CDH2: variants seen among roughly 807,000 people sequenced by gnomAD.
The protein encoded by CDH2 is cadherin-2.
In CDH2, 17 loss-of-function variants were observed where a neutral mutation model predicts 92.0. The ratio of observed to expected loss-of-function variants is 0.18; its 90% CI spans 0.13 to 0.28. The LOEUF (loss-of-function observed/expected upper bound fraction) is 0.28, where lower values mean the gene tolerates loss of function less well. Among genes scored for constraint, CDH2 ranks in the 10% least tolerant of loss-of-function variants. The pLI, the probability that CDH2 is intolerant of heterozygous loss-of-function variation, is 1.00. For missense variants in CDH2, 862 were observed against 1,133.1 expected (o/e 0.76, Z 3.44); for synonymous variants, 419 against 415.9 (o/e 1.01, Z -0.09).
At chr18:28,097,819 G>A (rs973152577) in intron 2 of CDH2, among the ~76,000 whole-genome samples, 5 of 151,982 alleles carry the variant, frequency 3.3e-5, no homozygotes, top group African/African-American at 1.2e-4. Context: ...TACTATAAAT[G>A]GCCATTGAAA....
chr18:27,947,970 A>G (rs1909318695), downstream of CDH2, among the ~76,000 whole-genome samples: 1 of 149,078 alleles, frequency 6.7e-6, no homozygotes, highest in African/African-American at 2.4e-5. Context: ...TGCATTCCAC[A>G]TGGTTGGGTT....
chr18:28,062,356 A>C (rs2144148404), intron 2 of CDH2, among the ~76,000 whole-genome samples: 1 of 152,334 alleles, frequency 6.6e-6, no homozygotes, highest in African/African-American at 2.4e-5. Flanking sequence ...CAGAAAACAT[A>C]TAACTTCTTC....
In CDH2 at chr18:28,038,449, G is replaced by A. The variant is rs1427569321; in HGVS notation, c.173-24540C>T. On this transcript the variant is annotated intron_variant, in intron 2 of 15. Coordinates refer to ENST00000269141, the MANE Select transcript of CDH2 (RefSeq NM_001792.5). ...TGTGTGTGTGTGTGTGTGTGTGTGT[G>A]TGTGTGTGTGTGTCTATGTGTGTGT... 4.0e-5 allele frequency among the ~76,000 whole-genome samples: 6 copies of A among 151,468 alleles called. No individual in the cohort carries two copies. In the South Asian group the frequency reaches 6.3e-4, roughly 16 times the overall value.
chr18:28,007,498 T>G (rs2012973602), intron 5 of CDH2, among the ~76,000 whole-genome samples: 1 of 152,076 alleles, frequency 6.6e-6, no homozygotes, highest in Non-Finnish European at 1.5e-5. Flanking sequence ...ATATCCTTTT[T>G]TAAATTCAGA....
At position 28,177,056 on chromosome 18, in the gene CDH2, G is replaced by T; in HGVS notation, c.-34C>A. The stretch of plus-strand genomic sequence containing the variant: ...AGAGGGGCCGAGCGAAGAGCCGGAG[G>T]AGGCGGCGGCGGCGGCGGCGGCGGC... On this transcript the variant is annotated 5_prime_UTR_variant, in exon 1 of 16. Transcript: ENST00000269141. 4.1e-6 allele frequency: 6 copies of T among 1,463,104 alleles called. No individual in the cohort carries two copies. The South Asian group carries it at 6.4e-5, about 15-fold the overall frequency. 90.6% of individuals were successfully genotyped at this position (1,463,104 alleles called of 1,614,324 possible).
At chr18:28,048,380 G>A (rs1168811289) in intron 2 of CDH2, among the ~76,000 whole-genome samples, 1 of 152,154 alleles carries the variant, frequency 6.6e-6, no homozygotes, top group Non-Finnish European at 1.5e-5. Flanking sequence ...TCAACTATCT[G>A]CTTTTCATTT....
intron 2 of CDH2, among the ~76,000 whole-genome samples, chr18:28,135,425 A>G (rs2015845661): frequency 6.6e-6 from 1 of 152,198 alleles, no homozygotes; most frequent in Non-Finnish European, 1.5e-5. Flanking sequence ...CCCTTAGGAC[A>G]TTTAAATATA....
chr18:28,135,415 C>A (rs1478837258), intron 2 of CDH2, among the ~76,000 whole-genome samples: 2 of 152,030 alleles, frequency 1.3e-5, no homozygotes, highest in Admixed American at 6.6e-5. Flanking sequence ...ATGGGTTAAA[C>A]CCTTAGGACA....
chr18:27,980,992 C>T (rs955738817), intron 14 of CDH2, among the ~76,000 whole-genome samples: 3 of 151,988 alleles, frequency 2.0e-5, no homozygotes, highest in African/African-American at 7.3e-5. Context: ...TATAACAATA[C>T]GGCCATATTA....
intron 11 of CDH2, among the ~76,000 whole-genome samples, chr18:27,987,122 C>G (rs2012260039): frequency 6.6e-6 from 1 of 152,166 alleles, no homozygotes; most frequent in African/African-American, 2.4e-5. Flanking sequence ...AATGAGAAAT[C>G]TGGTTGTAAC....
At chr18:28,132,257 G>A (rs2015784496) in intron 2 of CDH2, among the ~76,000 whole-genome samples, 1 of 152,146 alleles carries the variant, frequency 6.6e-6, no homozygotes, top group Non-Finnish European at 1.5e-5. Context: ...CTCATCTCAC[G>A]CTGCCTTACA....
chr18:27,939,330 C>G (rs1227826146), intron 6 of CDH2, among the ~76,000 whole-genome samples: 3 of 152,126 alleles, frequency 2.0e-5, no homozygotes. Flanking sequence ...ATCTGTCACT[C>G]CCCACTGCAC....
At chr18:28,038,100 T>A (rs987449790) in intron 2 of CDH2, among the ~76,000 whole-genome samples, 2 of 152,126 alleles carry the variant, frequency 1.3e-5, no homozygotes, top group African/African-American at 4.8e-5. Context: ...AGACTGTTTT[T>A]CAGAACTGCT....
intron 15 of CDH2, among the ~76,000 whole-genome samples, chr18:27,957,177 G>A (rs2011271245): frequency 7.4e-6 from 1 of 135,964 alleles, no homozygotes; most frequent in Non-Finnish European, 1.6e-5. Flanking sequence ...ATATCACTTC[G>A]ACTGCACAGA....
At chr18:27,941,173 C>T (rs1237028918) in intron 6 of CDH2, among the ~76,000 whole-genome samples, 5 of 151,696 alleles carry the variant, frequency 3.3e-5, no homozygotes, top group Non-Finnish European at 5.9e-5. Flanking sequence ...GCAGCTGGGA[C>T]TACAGGCACC....
intron 1 of CDH2, among the ~76,000 whole-genome samples, chr18:28,166,874 AG>A (rs17495328): frequency 0.036 from 5,451 of 152,242 alleles, 334 homozygotes; most frequent in African/African-American, 0.12. Context: ...AAAGGCCTCC[AG>A]AAAGAAAGAT....
chr18:28,091,277 T>G lies in CDH2; in HGVS notation c.172+56396A>C, dbSNP rs2015032708. Among the ~76,000 whole-genome samples, 9 of 152,328 alleles carry G rather than the reference T, an allele frequency of 5.9e-5. No homozygotes were observed. The South Asian group carries it at 1.9e-3, about 32-fold the overall frequency. ...ACTGTACTTTCTCCTCAATCCCTCA[T>G]TTCCCCCCTCTGTTCTTAAATTACT... On this transcript the variant is annotated intron_variant, in intron 2 of 15. Transcript: ENST00000269141.
intron 1 of CDH2, among the ~76,000 whole-genome samples, chr18:28,169,818 A>C (rs1352315040): frequency 1.3e-5 from 2 of 152,212 alleles, no homozygotes; most frequent in African/African-American, 4.8e-5. Context: ...TAATTCTCCC[A>C]ATGCTACTTT....
intron 2 of CDH2, among the ~76,000 whole-genome samples, chr18:28,058,219 CA>C (rs1320050931): frequency 6.6e-6 from 1 of 152,094 alleles, no homozygotes; most frequent in African/African-American, 2.4e-5. Flanking sequence ...ACTTTGATAC[CA>C]AGGCATATTT....
Sources: gnomAD v4.1 joint callset for allele counts (sites outside exome capture counted in the v4.1 genomes callset) on GRCh38, gnomAD v4.1.1 for gene constraint, MANE v1.5 for transcripts, NCBI Gene and HGNC (gene_info 2026-07-23, HGNC 2026-07-21) for gene names.